NEURL1B: variants seen among roughly 807,000 people sequenced by gnomAD.
The protein encoded by NEURL1B is E3 ubiquitin-protein ligase NEURL1B.
NEURL1B carries 13 observed loss-of-function variants against 37.4 expected under a neutral mutation model. That is an observed-to-expected ratio of 0.35 (90% CI 0.23 to 0.55). The LOEUF (loss-of-function observed/expected upper bound fraction) is 0.55, where lower values mean the gene tolerates loss of function less well. Ranked by LOEUF, NEURL1B falls within the 20% of genes least tolerant of loss-of-function variation. The pLI is 0.89. For missense variants in NEURL1B, 790 were observed against 879.2 expected (o/e 0.90, Z 1.28); for synonymous variants, 432 against 426.6 (o/e 1.01, Z -0.16).
chr5:172,686,532 C>T lies in NEURL1B; in HGVS notation c.1424-149C>T. The T allele has an allele frequency of 9.8e-7, 1 of 1,024,978 alleles. No homozygotes were observed. The highest frequency in any genetic ancestry group is 2.6e-5 in the East Asian group (1 of 38,082). The allele number at this position is 1,024,978 out of a possible 1,614,324, so 63.5% of individuals were successfully genotyped here. On this transcript the variant is annotated intron_variant, in intron 4 of 4. Transcript: ENST00000369800. This position sits in a 1 kb window ranked among gnomAD's most constrained non-coding sequence, Gnocchi z 7.9. ...GGGAGTAGAAGAGTAGAGAAAGGTG[C>T]AAAACCTGCAAGGTAAACTCAAATT...
chr5:172,686,686 G>GC lies in NEURL1B; in HGVS notation c.1434dup (p.Ser479GlnfsTer73). On this transcript the variant is annotated frameshift_variant, in exon 5 of 5. Transcript: ENST00000369800. LOFTEE classifies it high-confidence loss of function. The surrounding 1 kb of genome is among the most constrained non-coding windows in gnomAD (Gnocchi z 7.9). ...CCTCTTCTCCCTTTCGGCAGTGACGGCCCCCAGCTCCCCGCTGAGCCCCCC... is the reference window on the plus strand; with the variant it reads ...CCTCTTCTCCCTTTCGGCAGTGACGGCCCCCCAGCTCCCCGCTGAGCCCCCC... The GC allele has an allele frequency of 6.5e-7, 1 of 1,548,950 alleles. No homozygotes were observed. Among genetic ancestry groups the GC allele is most frequent in the Non-Finnish European group, 8.7e-7 (1 of 1,145,158 alleles).
In NEURL1B at chr5:172,676,658, G is replaced by A. The variant is rs1758236979; in HGVS notation, c.577+6328G>A. On this transcript the variant is annotated intron_variant, in intron 2 of 4. Transcript: ENST00000369800. The surrounding 1 kb of genome is among the most constrained non-coding windows in gnomAD (Gnocchi z 4.5). The stretch of plus-strand genomic sequence containing the variant: ...CAGCCAGAAACAACAGTCCTGCATG[G>A]GCCTTGGAAAGGTGTCATTTGCCCA... Among the ~76,000 whole-genome samples, 2 of 152,206 alleles carry A rather than the reference G, an allele frequency of 1.3e-5. No individual in the cohort carries two copies. Among genetic ancestry groups the A allele is most frequent in the South Asian group, 4.1e-4 (2 of 4,824 alleles).
At chr5:172,654,070 G>A (rs1352997918) in intron 1 of NEURL1B, among the ~76,000 whole-genome samples, 1 of 152,044 alleles carries the variant, frequency 6.6e-6, no homozygotes, top group Non-Finnish European at 1.5e-5. Flanking sequence ...GACTGCCTAA[G>A]GCCATAAGAT....
intron 2 of NEURL1B, among the ~76,000 whole-genome samples, chr5:172,680,293 C>T (rs925168765): frequency 6.6e-6 from 1 of 152,116 alleles, no homozygotes; most frequent in Non-Finnish European, 1.5e-5. Flanking sequence ...GTCACATAGC[C>T]AGTAAAAGCC....
chr5:172,677,351 G>C (rs897441419), intron 2 of NEURL1B, among the ~76,000 whole-genome samples: 9 of 152,170 alleles, frequency 5.9e-5, no homozygotes, highest in Non-Finnish European at 1.0e-4. Flanking sequence ...GCTTCTGAAG[G>C]CCTGTTCTAT....
At chr5:172,651,696 C>T (rs561021892) in intron 1 of NEURL1B, among the ~76,000 whole-genome samples, 13 of 152,336 alleles carry the variant, frequency 8.5e-5, no homozygotes, top group African/African-American at 3.1e-4. Flanking sequence ...GTTAATAAAT[C>T]GCTGTTGGTT....
Position 172,683,396 on chromosome 5 carries a change from T to A in NEURL1B, c.578-23T>A. On this transcript the variant is annotated intron_variant, in intron 2 of 4. Coordinates refer to ENST00000369800, the MANE Select transcript of NEURL1B (RefSeq NM_001142651.3). The surrounding 1 kb of genome is among the most constrained non-coding windows in gnomAD (Gnocchi z 5.6). ...CTGACGCGCGGCCTCTCCCCCTCCA[T>A]GTCCCTCCCTTTGTCCGCACAGAGA... The A allele has an allele frequency of 7.6e-7, 1 of 1,308,374 alleles. No individual in the cohort carries two copies. Among genetic ancestry groups the A allele is most frequent in the Non-Finnish European group, 9.8e-7 (1 of 1,022,546 alleles). 81.0% of individuals were successfully genotyped at this position (1,308,374 alleles called of 1,614,324 possible).
At position 172,686,584 on chromosome 5, in the gene NEURL1B, C is replaced by T. The variant is rs141718088; in HGVS notation, c.1424-97C>T. 706 of 1,356,660 alleles carry T rather than the reference C, an allele frequency of 5.2e-4. 3 individuals are homozygous for T. The highest frequency in any genetic ancestry group is 5.2e-3 in the East Asian group (205 of 39,484). 84.0% of individuals were successfully genotyped at this position (1,356,660 alleles called of 1,614,324 possible). ...GTATCTCCCAAAAGTATTCTCCCAC[C>T]GGTCCCAGCAAGAAGCCCTGCATTC... On this transcript the variant is annotated intron_variant, in intron 4 of 4. Transcript: ENST00000369800. This position sits in a 1 kb window ranked among gnomAD's most constrained non-coding sequence, Gnocchi z 7.9.
intron 1 of NEURL1B, among the ~76,000 whole-genome samples, chr5:172,649,263 C>T (rs1415103577): frequency 4.0e-5 from 6 of 151,452 alleles, no homozygotes; most frequent in South Asian, 2.1e-4. Flanking sequence ...GAATTATCCA[C>T]GAAGACGCCT....
rs1758640039 is a variant in NEURL1B at position 172,690,903 on chromosome 5, A to C, written c.*3978A>C. ...TTCAGGCCCTGGAAATCAGTCGCCAAGGCCCAGGAGAACCCCGGTGAGTCC... is the reference window on the plus strand; with the variant it reads ...TTCAGGCCCTGGAAATCAGTCGCCACGGCCCAGGAGAACCCCGGTGAGTCC... On this transcript the variant is annotated 3_prime_UTR_variant, in exon 5 of 5. Transcript: ENST00000369800. 1 of 152,280 alleles carries C rather than the reference A, an allele frequency of 6.6e-6. No individual in the cohort carries two copies. Among genetic ancestry groups the C allele is most frequent in the Admixed American group, 6.5e-5 (1 of 15,282 alleles). 9.4% of individuals were successfully genotyped at this position (152,280 alleles called of 1,614,324 possible). A position where few individuals can be genotyped will look rare whatever the true frequency, so the allele number is the denominator to read the frequency against.
chr5:172,670,143 CA>C lies in NEURL1B; in HGVS notation c.392del (p.Lys131ArgfsTer28). On this transcript the variant is annotated frameshift_variant, in exon 2 of 5. Coordinates refer to ENST00000369800, the MANE Select transcript of NEURL1B (RefSeq NM_001142651.3). LOFTEE classifies it high-confidence loss of function. The stretch of plus-strand genomic sequence containing the variant: ...TGGTCACGCGGCCGGGCTACTGGGC[CA>C]AGGCACTGCCCGAGAACCTGGCGCT... The part of the protein sequence containing the change: ...DLVTRPGYWA[K>X]ALPENLALRD... 6.6e-7 allele frequency: 1 copy of C among 1,507,762 alleles called. No homozygotes were observed. 93.4% of individuals were successfully genotyped at this position (1,507,762 alleles called of 1,614,324 possible). A position where few individuals can be genotyped will look rare whatever the true frequency, so the allele number is the denominator to read the frequency against.
At chr5:172,653,451 T>C (rs903566715) in intron 1 of NEURL1B, among the ~76,000 whole-genome samples, 11 of 152,216 alleles carry the variant, frequency 7.2e-5, no homozygotes, top group Non-Finnish European at 1.3e-4. Flanking sequence ...GACCATAAGG[T>C]AAAATGTTTA....
Position 172,687,757 on chromosome 5 carries a change from A to T in NEURL1B, c.*832A>T, listed in dbSNP as rs1230037015. On this transcript the variant is annotated 3_prime_UTR_variant, in exon 5 of 5. Coordinates refer to ENST00000369800, the MANE Select transcript of NEURL1B (RefSeq NM_001142651.3). The stretch of plus-strand genomic sequence containing the variant: ...TCTGTAATGCCCTTCCCTATCTCCA[A>T]GGAGAAGACCAGCAGTAAGTTCTGT... 1.3e-5 allele frequency: 2 copies of T among 151,996 alleles called. No individual in the cohort carries two copies. The highest frequency in any genetic ancestry group is 4.8e-5 in the African/African-American group (2 of 41,352). 9.4% of individuals were successfully genotyped at this position (151,996 alleles called of 1,614,324 possible).
At position 172,683,962 on chromosome 5, in the gene NEURL1B, C is replaced by T. The variant is rs1467404055; in HGVS notation, c.1121C>T (p.Ala374Val). ...AAAGAGTACTGGGTGGTGGCGCGCG[C>T]CGGGCCCGTGCCGAGCGGCGGCGAC... ...DRKEYWVVAR[A>V]GPVPSGGDAL... Residue 374 changes from alanine to valine, a missense_variant, in exon 3 of 5, where the codon GCC (alanine) becomes GTC (valine). Physicochemically the swap from Ala to Val is moderately conservative, Grantham distance 64 (BLOSUM62 0). Around this residue, in one of 3 missense-constraint regions of NEURL1B, gnomAD observed 460 missense variants for 407.4 expected, o/e 1.13. Transcript: ENST00000369800. The surrounding 1 kb of genome is among the most constrained non-coding windows in gnomAD (Gnocchi z 5.6). The T allele has an allele frequency of 7.5e-7, 1 of 1,331,546 alleles. No individual in the cohort carries two copies. Among genetic ancestry groups the T allele is most frequent in the African/African-American group, 1.5e-5 (1 of 64,670 alleles). The allele number at this position is 1,331,546 out of a possible 1,614,324, so 82.5% of individuals were successfully genotyped here. A position where few individuals can be genotyped will look rare whatever the true frequency, so the allele number is the denominator to read the frequency against.
At position 172,683,451 on chromosome 5, in the gene NEURL1B, C is replaced by A; in HGVS notation, c.610C>A (p.Arg204Ser). The A allele has an allele frequency of 1.4e-6, 2 of 1,459,676 alleles. No homozygotes were observed. Among genetic ancestry groups the A allele is most frequent in the East Asian group, 2.8e-5 (1 of 36,066 alleles). The allele number at this position is 1,459,676 out of a possible 1,614,324, so 90.4% of individuals were successfully genotyped here. The change falls in exon 3 of 5, where the codon CGC becomes AGC. Residue 204 changes from arginine to serine, a missense_variant. Physicochemically the swap from Arg to Ser is moderately radical, Grantham distance 110. Around this residue, in one of 3 missense-constraint regions of NEURL1B, gnomAD observed 460 missense variants for 407.4 expected, o/e 1.13. Transcript: ENST00000369800. The surrounding 1 kb of genome is among the most constrained non-coding windows in gnomAD (Gnocchi z 5.6). ...CTTCGCTGACACGCTGACGCCCGCG[C>A]GCCTCAGCCAGGCCCGCTTCAGCGC... ...SAFADTLTPA[R>S]LSQARFSACL...
chr5:172,672,368 G>A (rs1306134117), intron 2 of NEURL1B, among the ~76,000 whole-genome samples: 2 of 152,088 alleles, frequency 1.3e-5, no homozygotes. Context: ...ATCCAGCAGG[G>A]AAGCAATCCC....
rs561449747 is a variant in NEURL1B, at chr5:172,688,006, T to C, written c.*1081T>C. ...TATCTTCCTCCGCTGGTTACTAAAG[T>C]GTTCACTGATAAGTATGTTAACTAA... is the stretch of plus-strand genomic sequence containing the variant. On this transcript the variant is annotated 3_prime_UTR_variant, in exon 5 of 5. Coordinates refer to ENST00000369800, the MANE Select transcript of NEURL1B (RefSeq NM_001142651.3). The surrounding 1 kb of genome is among the most constrained non-coding windows in gnomAD (Gnocchi z 4.3). 5 of 152,692 alleles carry C rather than the reference T, an allele frequency of 3.3e-5. No homozygotes were observed. The highest frequency in any genetic ancestry group is 7.3e-5 in the Non-Finnish European group (5 of 68,062). 9.5% of individuals were successfully genotyped at this position (152,692 alleles called of 1,614,324 possible). A position where few individuals can be genotyped will look rare whatever the true frequency, so the allele number is the denominator to read the frequency against.
chr5:172,679,710 C>A (rs551700154), intron 2 of NEURL1B, among the ~76,000 whole-genome samples: 21 of 152,230 alleles, frequency 1.4e-4, no homozygotes, highest in African/African-American at 4.8e-4. Context: ...TATAACCCAG[C>A]CTTGTAGACA....
intron 2 of NEURL1B, among the ~76,000 whole-genome samples, chr5:172,677,546 G>C (rs916682066): frequency 3.9e-5 from 6 of 152,320 alleles, no homozygotes; most frequent in African/African-American, 1.4e-4. Flanking sequence ...TGGCAGAAGG[G>C]CATCTGGAAA....
Sources: allele counts gnomAD v4.1 joint callset (sites outside exome capture counted in the v4.1 genomes callset), GRCh38; gene constraint gnomAD v4.1.1; regional missense constraint gnomAD v4.1.1; non-coding constraint Gnocchi (gnomAD v3.1); transcripts MANE v1.5; gene names NCBI Gene and HGNC (gene_info 2026-07-23, HGNC 2026-07-21).